CYP2J2: variants seen among roughly 807,000 people sequenced by gnomAD.
CYP2J2 encodes the protein cytochrome P450 2J2.
CYP2J2 carries 41 observed loss-of-function variants against 48.8 expected under a neutral mutation model. That is an observed-to-expected ratio of 0.84 (90% CI 0.66 to 1.09). The LOEUF (loss-of-function observed/expected upper bound fraction) is 1.09. Among genes scored for constraint, CYP2J2 ranks in the 50% least tolerant of loss-of-function variants. CYP2J2 has a pLI of 0.00. For synonymous variants in CYP2J2, 221 were observed against 227.1 expected, an observed-to-expected ratio of 0.97 and a Z score of 0.24; for missense variants, 644 against 617.3, an observed-to-expected ratio of 1.04 and a Z score of -0.46.
chr1:59,962,947 G>A, the CYP2J2 span, among the ~76,000 whole-genome samples: 1 of 152,164 alleles, frequency 6.6e-6, no homozygotes, highest in African/African-American at 2.4e-5. Context: ...TGACTCCATT[G>A]AGTGAATATG....
the CYP2J2 span, among the ~76,000 whole-genome samples, chr1:59,954,590 G>GA: frequency 2.0e-5 from 3 of 148,406 alleles, no homozygotes; most frequent in East Asian, 6.1e-4. Flanking sequence ...TGGTGGGTCG[G>GA]GGGGGGATGC....
At chr1:59,932,580 T>C in the CYP2J2 span, among the ~76,000 whole-genome samples, 1 of 151,964 alleles carries the variant, frequency 6.6e-6, no homozygotes, top group African/African-American at 2.4e-5. Flanking sequence ...CAAGAACTAG[T>C]AAAAGAAGTT....
chr1:59,946,963 T>TA, the CYP2J2 span, among the ~76,000 whole-genome samples: 10,425 of 145,994 alleles, frequency 0.071, 899 homozygotes, highest in African/African-American at 0.21. Flanking sequence ...AAGCATTTTG[T>TA]AAAAAAAAAA....
chr1:59,965,331 T>G, the CYP2J2 span, among the ~76,000 whole-genome samples: 1 of 152,194 alleles, frequency 6.6e-6, no homozygotes, highest in Non-Finnish European at 1.5e-5. Context: ...TATAAAGCCC[T>G]GGGTTAGATG....
At chr1:59,922,318 C>G (rs961963569) in intron 1 of CYP2J2, among the ~76,000 whole-genome samples, 1 of 152,176 alleles carries the variant, frequency 6.6e-6, no homozygotes, top group Admixed American at 6.5e-5. Context: ...CCAGATCATA[C>G]CTAACTTGTG....
chr1:59,936,703 A>C, the CYP2J2 span, among the ~76,000 whole-genome samples: 1 of 152,140 alleles, frequency 6.6e-6, no homozygotes, highest in Non-Finnish European at 1.5e-5. Context: ...TGCCTAGAAT[A>C]AATATTGAAA....
At chr1:59,910,977 C>A (rs1644409214) in intron 4 of CYP2J2, among the ~76,000 whole-genome samples, 2 of 152,148 alleles carry the variant, frequency 1.3e-5, no homozygotes, top group Non-Finnish European at 2.9e-5. Flanking sequence ...GCAAATAATG[C>A]AATGAGCTTG....
chr1:59,934,221 G>A, the CYP2J2 span, among the ~76,000 whole-genome samples: 1 of 151,964 alleles, frequency 6.6e-6, no homozygotes, highest in Non-Finnish European at 1.5e-5. Context: ...ATATAACACA[G>A]ACAAAAATAA....
chr1:59,903,337 A>G (rs1273584030), intron 7 of CYP2J2, among the ~76,000 whole-genome samples: 1 of 152,206 alleles, frequency 6.6e-6, no homozygotes, highest in Non-Finnish European at 1.5e-5. Context: ...CAATGTGGGG[A>G]GAGGGCACTA....
rs11572300 is a variant in CYP2J2 at position 59,902,282 on chromosome 1, A to G, written c.1192-1179T>C. ...GCAGTTATCACGTTTCTAAATATGT[A>G]CTTGCATGATTACTTTTCTCAGGGT... On this transcript the variant is annotated intron_variant, in intron 7 of 8. Coordinates refer to ENST00000371204, the MANE Select transcript of CYP2J2 (RefSeq NM_000775.4). Among the ~76,000 whole-genome samples the G allele has an allele frequency of 3.5e-4, 54 of 152,242 alleles. No individual in the cohort carries two copies. In the South Asian group the frequency reaches 0.011, roughly 32 times the overall value.
chr1:59,904,947 AT>A lies in CYP2J2; in HGVS notation c.1114del (p.Met372TrpfsTer7). On this transcript the variant is annotated frameshift_variant, in exon 7 of 9. Transcript: ENST00000371204. LOFTEE classifies it high-confidence loss of function. ...TNAVIHEVQR[M>X]GNIIPLNVPR... ...AACGTTCAGGGGGATGATGTTGCCC[AT>A]TCTCTGCACCTCATGGATGACAGCA... is the stretch of plus-strand genomic sequence containing the variant. 1.2e-6 allele frequency: 2 copies of A among 1,613,756 alleles called. No homozygotes were observed. Among genetic ancestry groups the A allele is most frequent in the Non-Finnish European group, 1.7e-6 (2 of 1,179,886 alleles).
the CYP2J2 span, among the ~76,000 whole-genome samples, chr1:59,967,575 G>A: frequency 1.2e-3 from 179 of 152,290 alleles, no homozygotes; most frequent in African/African-American, 4.0e-3. Context: ...ACTTGCCTTT[G>A]TGTGTGTCGT....
the CYP2J2 span, among the ~76,000 whole-genome samples, chr1:59,958,991 A>G: frequency 2.6e-5 from 4 of 152,114 alleles, no homozygotes; most frequent in African/African-American, 7.2e-5. Context: ...CTTAGATTCT[A>G]TGACCTGTAA....
the CYP2J2 span, among the ~76,000 whole-genome samples, chr1:59,946,830 T>G: frequency 6.6e-6 from 1 of 152,210 alleles, no homozygotes; most frequent in African/African-American, 2.4e-5. Flanking sequence ...AGATATAATC[T>G]TTGAAATTAT....
chr1:59,903,905 T>A (rs1253141380), intron 7 of CYP2J2, among the ~76,000 whole-genome samples: 1 of 152,168 alleles, frequency 6.6e-6, no homozygotes, highest in Non-Finnish European at 1.5e-5. Context: ...ATCCATAACA[T>A]GGAAATAACA....
intron 1 of CYP2J2, among the ~76,000 whole-genome samples, chr1:59,919,642 T>C (rs1644496699): frequency 6.6e-6 from 1 of 152,256 alleles, no homozygotes. Context: ...CTTTACTTTT[T>C]TGAGTTATAG....
chr1:59,926,791 G>T (rs1277228572), upstream of CYP2J2: 1 of 1,536,268 alleles, frequency 6.5e-7, no homozygotes, highest in Admixed American at 1.9e-5. Flanking sequence ...GCAGGCGGCG[G>T]TCCCAGCAGG....
At chr1:59,901,863 A>T (rs1336427174) in intron 7 of CYP2J2, among the ~76,000 whole-genome samples, 1 of 151,512 alleles carries the variant, frequency 6.6e-6, no homozygotes, top group Non-Finnish European at 1.5e-5. Context: ...CACACTCTGG[A>T]AGAGAGTGAG....
intron 6 of CYP2J2, among the ~76,000 whole-genome samples, chr1:59,906,239 T>A (rs2102116107): frequency 6.6e-6 from 1 of 152,324 alleles, no homozygotes; most frequent in South Asian, 2.1e-4. Flanking sequence ...CAATTCTGGC[T>A]AATAGAATGT....
Sources: allele counts gnomAD v4.1 joint callset (sites outside exome capture counted in the v4.1 genomes callset), GRCh38; gene constraint gnomAD v4.1.1; transcripts MANE v1.5; gene names NCBI Gene and HGNC (gene_info 2026-07-23, HGNC 2026-07-21).